Variants in WSCD2 observed in about 807,000 individuals in gnomAD.
WSCD2 encodes the protein sialate:O-sulfotransferase 2.
WSCD2 carries 28 observed loss-of-function variants against 55.7 expected under a neutral mutation model. That is an observed-to-expected ratio of 0.50 (90% CI 0.37 to 0.69). WSCD2 has a LOEUF of 0.69. WSCD2 is among the 30% of genes least tolerant of loss of function. The probability of loss-of-function intolerance (pLI) is 0.00; values close to 1 mark genes in which losing one functional copy is unlikely to be tolerated. For missense variants in WSCD2, 616 were observed against 762.1 expected (o/e 0.81, Z 2.26); for synonymous variants, 301 against 301.9 (o/e 1.00, Z 0.03).
chr12:108,132,075 C>A (rs1038011119), intron 1 of WSCD2, among the ~76,000 whole-genome samples: 1 of 151,898 alleles, frequency 6.6e-6, no homozygotes, highest in East Asian at 1.9e-4. Context: ...TGTGTGCCTG[C>A]GTATGCACAC....
chr12:108,142,796 T>C (rs941245321), intron 1 of WSCD2, among the ~76,000 whole-genome samples: 5 of 150,962 alleles, frequency 3.3e-5, no homozygotes, highest in Non-Finnish European at 5.9e-5. Flanking sequence ...TCTCCTTCCT[T>C]CTCTCTCTCT....
intron 1 of WSCD2, among the ~76,000 whole-genome samples, chr12:108,164,264 T>C (rs1183223068): frequency 6.6e-6 from 1 of 150,460 alleles, no homozygotes; most frequent in East Asian, 2.0e-4. Context: ...CATGGAACCA[T>C]TGCCAAGGTC....
At chr12:108,216,334 T>C (rs554424042) in intron 4 of WSCD2, among the ~76,000 whole-genome samples, 9 of 152,244 alleles carry the variant, frequency 5.9e-5, no homozygotes, top group Non-Finnish European at 1.3e-4. Flanking sequence ...TACTTAGCAC[T>C]AATGACATAG....
At chr12:108,207,211 AC>A (rs1460941291) in intron 3 of WSCD2, among the ~76,000 whole-genome samples, 1 of 151,938 alleles carries the variant, frequency 6.6e-6, no homozygotes, top group Non-Finnish European at 1.5e-5. Flanking sequence ...GGGCCCCTTG[AC>A]CTTGTAGTGG....
chr12:108,233,402 C>T (rs41466446), intron 7 of WSCD2, among the ~76,000 whole-genome samples: 5,228 of 152,270 alleles, frequency 0.034, 277 homozygotes, highest in African/African-American at 0.11. Context: ...TACTGAGCAC[C>T]GGAATGTTCT....
intron 7 of WSCD2, among the ~76,000 whole-genome samples, chr12:108,234,312 A>G (rs1565992645): frequency 6.6e-6 from 1 of 152,176 alleles, no homozygotes; most frequent in Non-Finnish European, 1.5e-5. Flanking sequence ...CGCTAACCCT[A>G]GCTCAGGGAG....
chr12:108,159,046 C>T (rs566524659), intron 1 of WSCD2, among the ~76,000 whole-genome samples: 1 of 152,282 alleles, frequency 6.6e-6, no homozygotes, highest in African/African-American at 2.4e-5. Context: ...CTTCTGTGGC[C>T]CCTAGAATAA....
At chr12:108,134,811 A>G (rs894256594) in intron 1 of WSCD2, among the ~76,000 whole-genome samples, 3 of 152,178 alleles carry the variant, frequency 2.0e-5, no homozygotes, top group African/African-American at 7.2e-5. Flanking sequence ...CCAGGTGCAC[A>G]CACTATGCCA....
chr12:108,167,756 G>GT (rs1879810824), intron 1 of WSCD2, among the ~76,000 whole-genome samples: 2 of 152,208 alleles, frequency 1.3e-5, no homozygotes, highest in Non-Finnish European at 1.5e-5. Flanking sequence ...CCCAGCCAAA[G>GT]GCTTATTGTT....
At chr12:108,191,893 A>G (rs1883212548) in intron 1 of WSCD2, among the ~76,000 whole-genome samples, 1 of 151,938 alleles carries the variant, frequency 6.6e-6, no homozygotes, top group African/African-American at 2.4e-5. Flanking sequence ...GATCTCCTTC[A>G]TTTTCCACAT....
Position 108,226,002 on chromosome 12 carries a change from C to A in WSCD2, c.805-988C>A, listed in dbSNP as rs541363313. On this transcript the variant is annotated intron_variant, in intron 5 of 8. Transcript: ENST00000547525. Reference sequence around the variant, plus strand: ...ACTGAAAGAGAACTGAAAAAGAAATCCCTTTCTCACGGTCATGCAATACAC... The same window carrying A: ...ACTGAAAGAGAACTGAAAAAGAAATACCTTTCTCACGGTCATGCAATACAC... Among the ~76,000 whole-genome samples, 28 of 152,068 alleles carry A rather than the reference C, an allele frequency of 1.8e-4. 1 individual carries two copies. Among genetic ancestry groups the A allele is most frequent in the Admixed American group, 1.6e-3 (24 of 15,276 alleles).
intron 8 of WSCD2, among the ~76,000 whole-genome samples, chr12:108,242,791 A>G (rs866883484): frequency 1.3e-5 from 2 of 152,036 alleles, no homozygotes; most frequent in East Asian, 3.9e-4. Flanking sequence ...GACAGGCCCC[A>G]CTCTTTTTCC....
intron 2 of WSCD2, chr12:108,196,428 G>C: frequency 1.4e-6 from 1 of 689,770 alleles, no homozygotes; most frequent in Non-Finnish European, 2.3e-6. Flanking sequence ...CACACAGCTT[G>C]TCAAGAGGCA....
At chr12:108,176,284 T>A (rs1382205067) in intron 1 of WSCD2, among the ~76,000 whole-genome samples, 1 of 152,014 alleles carries the variant, frequency 6.6e-6, no homozygotes, top group Non-Finnish European at 1.5e-5. Flanking sequence ...AAATGTTCCA[T>A]CACCCTCAAT....
At chr12:108,211,638 T>TATATA (rs1361580256) in intron 4 of WSCD2, among the ~76,000 whole-genome samples, 1 of 146,326 alleles carries the variant, frequency 6.8e-6, no homozygotes, top group African/African-American at 2.5e-5. Context: ...CCCATATATA[T>TATATA]ATATATATAT....
chr12:108,201,338 G>A (rs532049782), intron 2 of WSCD2, among the ~76,000 whole-genome samples: 6 of 152,086 alleles, frequency 3.9e-5, no homozygotes, highest in Non-Finnish European at 5.9e-5. Context: ...TCTCCTTTGC[G>A]TCTGTGTCTT....
At chr12:108,225,371 C>A (rs763962940) in intron 5 of WSCD2, among the ~76,000 whole-genome samples, 8 of 152,144 alleles carry the variant, frequency 5.3e-5, no homozygotes, top group Non-Finnish European at 1.2e-4. Context: ...AAAACCCACC[C>A]CCATGATTCA....
rs545729185 is a variant in WSCD2 at position 108,212,618 on chromosome 12, C to G, written c.682+2313C>G. Among the ~76,000 whole-genome samples, 294 of 149,706 alleles carry G rather than the reference C, an allele frequency of 2.0e-3. 3 individuals carry two copies. The highest frequency in any genetic ancestry group is 7.1e-3 in the African/African-American group (288 of 40,476). ...TCTCTCTCTCTCTCTCTCTCTCACACACACACACACACACACATTCAGACA... is the reference window on the plus strand; with the variant it reads ...TCTCTCTCTCTCTCTCTCTCTCACAGACACACACACACACACATTCAGACA... On this transcript the variant is annotated intron_variant, in intron 4 of 8. Transcript: ENST00000547525.
At chr12:108,171,368 A>C (rs748102169) in intron 1 of WSCD2, among the ~76,000 whole-genome samples, 4 of 152,206 alleles carry the variant, frequency 2.6e-5, no homozygotes, top group Admixed American at 6.5e-5. Flanking sequence ...TATTGCTACA[A>C]TTACACCATT....
Sources: allele counts gnomAD v4.1 joint callset (sites outside exome capture counted in the v4.1 genomes callset), GRCh38; gene constraint gnomAD v4.1.1; transcripts MANE v1.5; gene names NCBI Gene and HGNC (gene_info 2026-07-23, HGNC 2026-07-21).